SLC35F3: variants seen among roughly 807,000 people sequenced by gnomAD.
SLC35F3 encodes putative thiamine transporter SLC35F3.
SLC35F3 carries 25 observed loss-of-function variants against 49.9 expected under a neutral mutation model. The observed-to-expected ratio is 0.50, with a 90% CI of 0.37 to 0.70. SLC35F3 has a LOEUF of 0.70. Among genes scored for constraint, SLC35F3 ranks in the 30% least tolerant of loss-of-function variants. The pLI is 0.00. For missense variants in SLC35F3, 525 were observed against 639.8 expected, an observed-to-expected ratio of 0.82 and a Z score of 1.94; for synonymous variants, 275 against 265.4, an observed-to-expected ratio of 1.04 and a Z score of -0.35.
intron 2 of SLC35F3, among the ~76,000 whole-genome samples, chr1:234,205,739 A>T (rs1420417829): frequency 6.6e-6 from 1 of 152,232 alleles, no homozygotes; most frequent in Non-Finnish European, 1.5e-5. Context: ...AAAATTCCTC[A>T]CTAGAGGCAA....
chr1:234,286,808 G>A (rs1333350236), intron 3 of SLC35F3, among the ~76,000 whole-genome samples: 2 of 152,190 alleles, frequency 1.3e-5, no homozygotes, highest in Non-Finnish European at 2.9e-5. Flanking sequence ...CTTCTGTCAC[G>A]ACATGACAAA....
intron 2 of SLC35F3, among the ~76,000 whole-genome samples, chr1:233,968,804 C>T (rs1225828384): frequency 6.6e-6 from 1 of 152,114 alleles, no homozygotes; most frequent in Non-Finnish European, 1.5e-5. Context: ...TTTTTCAACC[C>T]TCATCCCCCT....
intron 2 of SLC35F3, among the ~76,000 whole-genome samples, chr1:234,133,848 T>C (rs1471617891): frequency 6.6e-6 from 1 of 152,228 alleles, no homozygotes; most frequent in African/African-American, 2.4e-5. Flanking sequence ...TCAGTGCAAC[T>C]CACAGAAAGA....
At chr1:234,188,131 G>T (rs1254304730) in intron 2 of SLC35F3, among the ~76,000 whole-genome samples, 1 of 152,082 alleles carries the variant, frequency 6.6e-6, no homozygotes, top group Non-Finnish European at 1.5e-5. Flanking sequence ...CAGCTACTTG[G>T]TAGGCTGAGG....
intron 2 of SLC35F3, among the ~76,000 whole-genome samples, chr1:233,912,261 C>T (rs1392658717): frequency 6.6e-5 from 10 of 152,046 alleles, no homozygotes; most frequent in Non-Finnish European, 2.9e-5. Flanking sequence ...GGGTGAATCA[C>T]GAGGTCAGGA....
chr1:234,143,288 CTTTTT>C (rs1352256091), intron 2 of SLC35F3, among the ~76,000 whole-genome samples: 17 of 123,526 alleles, frequency 1.4e-4, no homozygotes, highest in African/African-American at 3.5e-4. Flanking sequence ...CTTTTCTTTT[CTTTTT>C]TTTTTTTTTT....
chr1:234,135,272 T>C (rs145783770), intron 2 of SLC35F3, among the ~76,000 whole-genome samples: 64 of 152,306 alleles, frequency 4.2e-4, no homozygotes, highest in African/African-American at 1.5e-3. Context: ...AGGTAATAGA[T>C]ACCCCATTTA....
intron 5 of SLC35F3, among the ~76,000 whole-genome samples, chr1:234,318,027 G>A (rs1235770320): frequency 6.6e-6 from 1 of 152,190 alleles, no homozygotes; most frequent in Non-Finnish European, 1.5e-5. Context: ...TGAATGAGTT[G>A]GGAAATGGCT....
chr1:233,959,291 CA>C (rs1662755667), intron 2 of SLC35F3, among the ~76,000 whole-genome samples: 2 of 152,020 alleles, frequency 1.3e-5, no homozygotes, highest in Non-Finnish European at 2.9e-5. Context: ...GCAGTTCCAG[CA>C]ATGAATAATC....
chr1:234,200,459 T>A (rs1304007507), intron 2 of SLC35F3, among the ~76,000 whole-genome samples: 1 of 152,230 alleles, frequency 6.6e-6, no homozygotes, highest in African/African-American at 2.4e-5. Context: ...AGCATGAGTT[T>A]GCTGTTGTGC....
intron 2 of SLC35F3, among the ~76,000 whole-genome samples, chr1:234,065,665 T>C (rs534302698): frequency 6.6e-6 from 1 of 152,354 alleles, no homozygotes; most frequent in African/African-American, 2.4e-5. Context: ...CATGTGATGT[T>C]AGTAAAGACT....
chr1:234,253,573 C>A (rs932618030), intron 3 of SLC35F3, among the ~76,000 whole-genome samples: 1 of 151,564 alleles, frequency 6.6e-6, no homozygotes, highest in African/African-American at 2.4e-5. Context: ...GGGAAGAGGG[C>A]AAATGGTTAA....
chr1:234,156,520 C>T (rs376712245), intron 2 of SLC35F3, among the ~76,000 whole-genome samples: 5 of 152,194 alleles, frequency 3.3e-5, no homozygotes, highest in African/African-American at 9.6e-5. Flanking sequence ...AAACGGAAAA[C>T]GGTAAAGACA....
intron 2 of SLC35F3, among the ~76,000 whole-genome samples, chr1:234,193,223 A>G (rs776575613): frequency 6.6e-6 from 1 of 152,206 alleles, no homozygotes; most frequent in Non-Finnish European, 1.5e-5. Flanking sequence ...CTAAAACAGC[A>G]TGGTACTGGT....
intron 6 of SLC35F3, among the ~76,000 whole-genome samples, chr1:234,319,500 C>T (rs976054178): frequency 1.3e-5 from 2 of 152,094 alleles, no homozygotes; most frequent in South Asian, 2.1e-4. Flanking sequence ...CCCAGGAGTT[C>T]GAGACCAGCC....
At chr1:233,981,015 A>G (rs1663173709) in intron 2 of SLC35F3, among the ~76,000 whole-genome samples, 1 of 152,178 alleles carries the variant, frequency 6.6e-6, no homozygotes, top group Non-Finnish European at 1.5e-5. Flanking sequence ...GAAGTGTCTG[A>G]GTTTTTATCT....
intron 3 of SLC35F3, among the ~76,000 whole-genome samples, chr1:234,302,167 TG>T (rs200488156): frequency 5.0e-4 from 76 of 150,994 alleles, no homozygotes; most frequent in Non-Finnish European, 9.6e-4. Flanking sequence ...TTGTTGTTGT[TG>T]TTTTTTTTAA....
chr1:234,175,282 A>G (rs1017300712), intron 2 of SLC35F3, among the ~76,000 whole-genome samples: 1 of 152,220 alleles, frequency 6.6e-6, no homozygotes, highest in African/African-American at 2.4e-5. Context: ...AATCTTTATT[A>G]ACTATTTTCT....
intron 3 of SLC35F3, among the ~76,000 whole-genome samples, chr1:234,247,757 T>TGGTGGGTTGGTTGGCTGGTTCATTGTTC (rs1667659466): frequency 6.9e-6 from 1 of 145,676 alleles, no homozygotes; most frequent in Admixed American, 6.8e-5. Context: ...GTCCATTGTT[T>TGGTGGGTTGGTTGGCTGGTTCATTGTTC]GGTGGGTTGG....
Sources: allele counts gnomAD v4.1 joint callset (sites outside exome capture counted in the v4.1 genomes callset), GRCh38; gene constraint gnomAD v4.1.1; transcripts MANE v1.5; gene names NCBI Gene and HGNC (gene_info 2026-07-23, HGNC 2026-07-21).